DNAH17: variants seen among roughly 807,000 people sequenced by gnomAD.
The protein encoded by DNAH17 is axonemal beta dynein heavy chain 17.
DNAH17 carries 376 observed loss-of-function variants against 485.6 expected under a neutral mutation model. The ratio of observed to expected loss-of-function variants is 0.77; its 90% CI spans 0.71 to 0.84. The LOEUF (loss-of-function observed/expected upper bound fraction) is 0.84. DNAH17 is among the 40% of genes least tolerant of loss of function. DNAH17 has a pLI of 0.00. For missense variants in DNAH17, 6,370 were observed against 5,839.3 expected (o/e 1.09, Z -2.96); for synonymous variants, 3,031 against 2,405.9 (o/e 1.26, Z -7.60).
At chr17:78,500,868 G>A (rs1598596833) in intron 35 of DNAH17, 1 of 255,772 alleles carries the variant, frequency 3.9e-6, no homozygotes, top group East Asian at 8.0e-5. Context: ...AGCAGAGGCA[G>A]CCCAGGTGCC....
At chr17:78,571,559 C>T (rs1255807963) in intron 4 of DNAH17, 31 bp downstream of exon 4, 1 of 1,612,392 alleles carries the variant, frequency 6.2e-7, no homozygotes, top group Admixed American at 1.7e-5. Context: ...TGGGACGAGG[C>T]TGCAGCCCCA....
In DNAH17 at chr17:78,425,400, CCT is replaced by C. The variant is rs775442813; in HGVS notation, c.13085_13086del (p.Glu4362GlyfsTer31). The C allele has an allele frequency of 6.2e-7, 1 of 1,614,014 alleles. No homozygotes were observed. The highest frequency in any genetic ancestry group is 8.5e-7 in the Non-Finnish European group (1 of 1,179,898). On this transcript the variant is annotated frameshift_variant, in exon 80 of 81. Transcript: ENST00000389840. LOFTEE classifies it high-confidence loss of function. Reference protein sequence around the residue: ...LSVEVTKKNREDMTAPPREGS... With the variant: ...LSVEVTKKNRXDMTAPPREGS... ...CCCTCTCGCGGAGGAGCGGTCATGTCCTCTCGGTTTTTCTTGGTCACCTCGAC... is the reference window on the plus strand; with the variant it reads ...CCCTCTCGCGGAGGAGCGGTCATGTCCTCGGTTTTTCTTGGTCACCTCGAC...
intron 17 of DNAH17, 29 bp from the exon 18 acceptor site, chr17:78,539,909 C>G (rs575724406): frequency 6.5e-7 from 1 of 1,539,084 alleles, no homozygotes; most frequent in East Asian, 2.4e-5. Context: ...AGTTGGGCCT[C>G]ACTTCACTGG....
At chr17:78,429,996 A>G (rs1281172127) in intron 75 of DNAH17, among the ~76,000 whole-genome samples, 1 of 152,146 alleles carries the variant, frequency 6.6e-6, no homozygotes, top group Non-Finnish European at 1.5e-5. Flanking sequence ...GGCAGTGTGG[A>G]CCAGAGCACA....
At chr17:78,427,563 TA>T (rs1305798637) in intron 77 of DNAH17, among the ~76,000 whole-genome samples, 7 of 152,196 alleles carry the variant, frequency 4.6e-5, no homozygotes, top group African/African-American at 1.4e-4. Flanking sequence ...TTTCAGTCAT[TA>T]GACTAAGAGA....
Position 78,425,457 on chromosome 17 carries a change from C to T in DNAH17, c.13030G>A (p.Glu4344Lys), listed in dbSNP as rs1229685998. The change falls in exon 80 of 81, where the codon GAG becomes AAG. Residue 4344 changes from glutamate to lysine, a missense_variant. Glu to Lys is a moderately conservative substitution (Grantham distance 56). Coordinates refer to ENST00000389840, the MANE Select transcript of DNAH17 (RefSeq NM_173628.4). ...AGACACATCTTGTCCAGGGGCCACT[C>T]GTTCTTCCTGGCCATGGACTGCATG... The part of the protein sequence containing the change: ...AIMQSMARKN[E>K]WPLDKMCLSV... 3.7e-6 allele frequency: 6 copies of T among 1,613,926 alleles called. No individual in the cohort carries two copies. Among genetic ancestry groups the T allele is most frequent in the East Asian group, 2.2e-5 (1 of 44,886 alleles).
intron 12 of DNAH17, 72 bp downstream of exon 12, chr17:78,561,643 T>C (rs1323022596): frequency 4.0e-6 from 6 of 1,492,872 alleles, no homozygotes; most frequent in African/African-American, 1.4e-5. Flanking sequence ...CCGCTCGGGG[T>C]TGGGACAGTC....
chr17:78,493,992 C>A (rs752859738), intron 41 of DNAH17, 44 bp downstream of exon 41: 5 of 1,585,604 alleles, frequency 3.2e-6, no homozygotes, highest in Non-Finnish European at 3.4e-6. Flanking sequence ...AGCCCTCCCC[C>A]ACCATGCCGG....
chr17:78,485,674 C>CA lies in DNAH17; in HGVS notation c.7358dup (p.Val2454GlyfsTer62). 1 of 1,613,962 alleles carries CA rather than the reference C, an allele frequency of 6.2e-7. No homozygotes were observed. The highest frequency in any genetic ancestry group is 8.5e-7 in the Non-Finnish European group (1 of 1,179,898). ...ACTTGCCCGTCCCCGCGTTCCCCAC[C>CA]AGCATCACCGGCCAGGACTTCTCCA... On this transcript the variant is annotated frameshift_variant, in exon 47 of 81. Coordinates refer to ENST00000389840, the MANE Select transcript of DNAH17 (RefSeq NM_173628.4). LOFTEE classifies it high-confidence loss of function.
At chr17:78,471,286 C>A (rs2088737186) in intron 54 of DNAH17, among the ~76,000 whole-genome samples, 1 of 152,150 alleles carries the variant, frequency 6.6e-6, no homozygotes. Flanking sequence ...TATCTCTTGA[C>A]AAGCTAAGAA....
intron 29 of DNAH17, 23 bp downstream of exon 29, chr17:78,507,255 G>A (rs370334176): frequency 1.0e-4 from 162 of 1,612,866 alleles, no homozygotes; most frequent in Middle Eastern, 5.0e-4. Flanking sequence ...GACTCCCCTG[G>A]TCTGGATAGG....
intron 34 of DNAH17, 97 bp downstream of exon 34, chr17:78,501,645 A>T (rs2090294347): frequency 6.7e-7 from 1 of 1,494,410 alleles, no homozygotes; most frequent in Non-Finnish European, 9.0e-7. Flanking sequence ...GTGCCCCAGG[A>T]AGAGGAAGTG....
chr17:78,451,741 A>G lies in DNAH17; in HGVS notation c.10530-68T>C, dbSNP rs2087563711. ...CCAGGGGAGAGGAACACAAGTACAGACCACCTTTCACCCCAGCCCCAGGCC... is the reference window on the plus strand; with the variant it reads ...CCAGGGGAGAGGAACACAAGTACAGGCCACCTTTCACCCCAGCCCCAGGCC... On this transcript the variant is annotated intron_variant, in intron 65 of 80. Coordinates refer to ENST00000389840, the MANE Select transcript of DNAH17 (RefSeq NM_173628.4). 5 of 1,373,564 alleles carry G rather than the reference A, an allele frequency of 3.6e-6. No homozygotes were observed. The South Asian group carries it at 7.1e-5, about 20-fold the overall frequency. The allele number at this position is 1,373,564 out of a possible 1,614,324, so 85.1% of individuals were successfully genotyped here.
rs1234478109 is a variant in DNAH17 at position 78,472,836 on chromosome 17, G to A, written c.8511+2442C>T. On this transcript the variant is annotated intron_variant, in intron 54 of 80. Transcript: ENST00000389840. Reference sequence around the variant, plus strand: ...AGAGCTTGTGCCCCAGCTCCACCCAGGTCACCCTTCAGCAGTTTCTGTGCT... The same window carrying A: ...AGAGCTTGTGCCCCAGCTCCACCCAAGTCACCCTTCAGCAGTTTCTGTGCT... The A allele has an allele frequency of 6.0e-5, 26 of 430,344 alleles. No individual in the cohort carries two copies. The Admixed American group carries it at 6.4e-4, about 11-fold the overall frequency. The allele number at this position is 430,344 out of a possible 1,614,324, so 26.7% of individuals were successfully genotyped here.
intron 56 of DNAH17, among the ~76,000 whole-genome samples, chr17:78,463,852 AAC>A (rs2088275352): frequency 6.6e-6 from 1 of 151,708 alleles, no homozygotes. Context: ...GAATTCATCC[AAC>A]ACAGACATTT....
At chr17:78,520,168 A>C (rs569275468) in intron 25 of DNAH17, among the ~76,000 whole-genome samples, 1 of 152,202 alleles carries the variant, frequency 6.6e-6, no homozygotes, top group South Asian at 2.1e-4. Flanking sequence ...AAAATCAATC[A>C]TATCAGTAAA....
intron 16 of DNAH17, among the ~76,000 whole-genome samples, chr17:78,548,207 T>TC: frequency 7.8e-6 from 1 of 128,328 alleles, no homozygotes; most frequent in East Asian, 2.3e-4. Flanking sequence ...ATGGCCTTTT[T>TC]TTTTTTTTTT....
intron 54 of DNAH17, among the ~76,000 whole-genome samples, chr17:78,473,958 T>A (rs2088892909): frequency 6.6e-6 from 1 of 152,176 alleles, no homozygotes; most frequent in Non-Finnish European, 1.5e-5. Context: ...CAGGGCTGTG[T>A]TCAGGAGTGC....
intron 34 of DNAH17, 119 bp from the exon 35 acceptor site, chr17:78,501,463 T>A: frequency 8.0e-7 from 1 of 1,257,292 alleles, no homozygotes; most frequent in Non-Finnish European, 1.1e-6. Context: ...TCCCTGGCCC[T>A]CTTTCCCCCT....
Sources: allele counts gnomAD v4.1 joint callset (sites outside exome capture counted in the v4.1 genomes callset), GRCh38; gene constraint gnomAD v4.1.1; transcripts MANE v1.5; gene names NCBI Gene and HGNC (gene_info 2026-07-23, HGNC 2026-07-21).